The following FRMD5 variants were observed in gnomAD, a reference collection of about 807,000 sequenced individuals.
FRMD5 encodes the protein FERM domain-containing protein 5.
A neutral mutation model predicts 69.0 loss-of-function variants in FRMD5; 20 were observed. The ratio of observed to expected loss-of-function variants is 0.29; its 90% CI spans 0.20 to 0.42. The LOEUF is 0.42. Among genes scored for constraint, FRMD5 ranks in the 10% least tolerant of loss-of-function variants. FRMD5 has a pLI of 1.00. For synonymous variants in FRMD5, 271 were observed against 260.1 expected (o/e 1.04, Z -0.40); for missense variants, 595 against 708.6 (o/e 0.84, Z 1.82).
chr15:43,989,790 G>A, intron 1 of FRMD5: 3 of 1,046,100 alleles, frequency 2.9e-6, no homozygotes, highest in Non-Finnish European at 4.5e-6. Context: ...CCACGTACAT[G>A]GCTGGCCTGT....
At chr15:43,959,159 T>C (rs183537069) in intron 1 of FRMD5, among the ~76,000 whole-genome samples, 321 of 152,346 alleles carry the variant, frequency 2.1e-3, no homozygotes, top group Admixed American at 4.8e-3. Flanking sequence ...ACTGCCTCAA[T>C]TCCTCTAAAC....
intron 1 of FRMD5, among the ~76,000 whole-genome samples, chr15:43,950,965 C>G (rs987256565): frequency 6.6e-6 from 1 of 152,194 alleles, no homozygotes; most frequent in Non-Finnish European, 1.5e-5. Flanking sequence ...TTTCTTCCCT[C>G]GAAATGCGGT....
In FRMD5 at chr15:44,117,274, G is replaced by A. The variant is rs183661056; in HGVS notation, c.102+77679C>T. ...TTCAGAATCAAGAGAATGAGTGGTA[G>A]AGAAAGGCAGGACTGAAGAGCTAAG... On this transcript the variant is annotated intron_variant, in intron 1 of 13. Transcript: ENST00000417257. 5.9e-5 allele frequency among the ~76,000 whole-genome samples: 9 copies of A among 152,318 alleles called. 1 individual carries two copies. Among genetic ancestry groups the A allele is most frequent in the Admixed American group, 1.3e-4 (2 of 15,294 alleles).
chr15:43,906,842 C>T (rs1025427331), intron 5 of FRMD5, among the ~76,000 whole-genome samples: 3 of 151,460 alleles, frequency 2.0e-5, no homozygotes, highest in Non-Finnish European at 4.4e-5. Flanking sequence ...ACCTCGTGAT[C>T]CGCCCGCCTT....
At chr15:44,106,262 C>T (rs1210244375) in intron 1 of FRMD5, among the ~76,000 whole-genome samples, 8 of 151,940 alleles carry the variant, frequency 5.3e-5, no homozygotes, top group Admixed American at 3.9e-4. Flanking sequence ...GAACTAATAC[C>T]ACATATGTGC....
At chr15:43,985,077 A>G (rs1261413957) in intron 1 of FRMD5, among the ~76,000 whole-genome samples, 1 of 151,860 alleles carries the variant, frequency 6.6e-6, no homozygotes, top group Non-Finnish European at 1.5e-5. Flanking sequence ...TCAGGAGATC[A>G]AGACCATCCC....
intron 1 of FRMD5, among the ~76,000 whole-genome samples, chr15:43,957,726 T>C (rs1036868036): frequency 1.3e-5 from 2 of 152,268 alleles, no homozygotes; most frequent in Non-Finnish European, 2.9e-5. Context: ...ATCACTTTTA[T>C]TTTGAATGTT....
chr15:44,072,746 C>G (rs560396907), intron 1 of FRMD5, among the ~76,000 whole-genome samples: 53 of 152,190 alleles, frequency 3.5e-4, no homozygotes, highest in Middle Eastern at 6.9e-3. Context: ...AATATTGTCC[C>G]TTTCAAAGAT....
At chr15:44,115,855 T>A (rs1296922021) in intron 1 of FRMD5, among the ~76,000 whole-genome samples, 1 of 152,164 alleles carries the variant, frequency 6.6e-6, no homozygotes, top group Non-Finnish European at 1.5e-5. Context: ...TAGAGTCAAT[T>A]GAATAAGGAG....
intron 1 of FRMD5, among the ~76,000 whole-genome samples, chr15:44,025,395 A>C (rs911430525): frequency 3.9e-5 from 6 of 152,158 alleles, no homozygotes; most frequent in Non-Finnish European, 8.8e-5. Flanking sequence ...ATATTCTAGC[A>C]AACAAAAGAG....
chr15:44,093,027 G>A (rs913909526), intron 1 of FRMD5, among the ~76,000 whole-genome samples: 3 of 145,664 alleles, frequency 2.1e-5, no homozygotes, highest in African/African-American at 7.6e-5. Context: ...TGCCTCCCGG[G>A]TTCAAGTGAT....
At chr15:43,876,517 A>T (rs2088361187) in intron 13 of FRMD5, among the ~76,000 whole-genome samples, 2 of 152,160 alleles carry the variant, frequency 1.3e-5, no homozygotes, top group South Asian at 4.1e-4. Flanking sequence ...TAACTATAAA[A>T]TTTTTAATAA....
chr15:44,196,716 G>T (rs2078304585), upstream of FRMD5, among the ~76,000 whole-genome samples: 5 of 128,828 alleles, frequency 3.9e-5, no homozygotes, highest in South Asian at 2.6e-4. Flanking sequence ...TGCATGGGGA[G>T]ATTCATTCTC....
chr15:44,093,903 C>T (rs1461463831), intron 1 of FRMD5, among the ~76,000 whole-genome samples: 1 of 151,830 alleles, frequency 6.6e-6, no homozygotes, highest in African/African-American at 2.4e-5. Flanking sequence ...TACAACCCAG[C>T]CCCACTGAAA....
intron 1 of FRMD5, among the ~76,000 whole-genome samples, chr15:44,084,185 T>G (rs1030719882): frequency 5.9e-5 from 9 of 152,026 alleles, no homozygotes; most frequent in South Asian, 2.1e-4. Flanking sequence ...AATCTCAAAT[T>G]TTATGTTTTG....
chr15:43,964,051 TATAATA>T (rs911058123), intron 1 of FRMD5, among the ~76,000 whole-genome samples: 4 of 151,246 alleles, frequency 2.6e-5, no homozygotes, highest in East Asian at 1.9e-4. Context: ...AAACTTAAAG[TATAATA>T]ATAATAATAA....
At chr15:44,027,682 G>T (rs909545144) in intron 1 of FRMD5, among the ~76,000 whole-genome samples, 12 of 138,048 alleles carry the variant, frequency 8.7e-5, no homozygotes, top group Admixed American at 1.5e-4. Context: ...ACAGAGTCTC[G>T]CTCTGTTGCC....
intron 1 of FRMD5, among the ~76,000 whole-genome samples, chr15:43,936,258 T>C (rs1840575005): frequency 6.6e-6 from 1 of 152,180 alleles, no homozygotes; most frequent in African/African-American, 2.4e-5. Flanking sequence ...AGTGGCACAA[T>C]CACCGCTCAC....
Position 44,117,511 on chromosome 15 carries a change from T to G in FRMD5, c.102+77442A>C, listed in dbSNP as rs147103852. On this transcript the variant is annotated intron_variant, in intron 1 of 13. Coordinates refer to ENST00000417257, the MANE Select transcript of FRMD5 (RefSeq NM_032892.5). ...TCAGGCTGAGCATTTTCGGGGTTTCTGAGCAGTGCTACAATGAAAGAATTG... is the reference window on the plus strand; with the variant it reads ...TCAGGCTGAGCATTTTCGGGGTTTCGGAGCAGTGCTACAATGAAAGAATTG... Among the ~76,000 whole-genome samples, 12 of 152,328 alleles carry G rather than the reference T, an allele frequency of 7.9e-5. No individual in the cohort carries two copies. In the East Asian group the frequency reaches 2.1e-3, roughly 27 times the overall value.
Sources: allele counts gnomAD v4.1 joint callset (sites outside exome capture counted in the v4.1 genomes callset), GRCh38; gene constraint gnomAD v4.1.1; transcripts MANE v1.5; gene names NCBI Gene and HGNC (gene_info 2026-07-23, HGNC 2026-07-21).